Variants in SASH1 observed in about 807,000 individuals in gnomAD.
SASH1 encodes SAM and SH3 domain-containing protein 1.
In SASH1, 44 loss-of-function variants were observed where a neutral mutation model predicts 125.2. That is an observed-to-expected ratio of 0.35 (90% CI 0.28 to 0.45). The LOEUF is 0.45. SASH1 is among the 20% of genes least tolerant of loss of function. The probability of loss-of-function intolerance (pLI) is 1.00; values close to 1 mark genes in which losing one functional copy is unlikely to be tolerated. For missense variants in SASH1, 1,426 were observed against 1,614.5 expected, an observed-to-expected ratio of 0.88 and a Z score of 2.00; for synonymous variants, 639 against 649.1, an observed-to-expected ratio of 0.98 and a Z score of 0.24.
At chr6:148,535,309 C>CA (rs983591031) in intron 16 of SASH1, among the ~76,000 whole-genome samples, 2 of 152,010 alleles carry the variant, frequency 1.3e-5, no homozygotes, top group Admixed American at 6.6e-5. Context: ...ACAGTTTTCC[C>CA]AAAAAAATGG....
intron 2 of SASH1, among the ~76,000 whole-genome samples, chr6:148,439,105 T>C (rs1254361448): frequency 6.6e-6 from 1 of 152,194 alleles, no homozygotes; most frequent in South Asian, 2.1e-4. Context: ...TTTACATAAT[T>C]TATTTTTATC....
chr6:148,351,216 T>C (rs1473518709), intron 1 of SASH1, among the ~76,000 whole-genome samples: 1 of 96,190 alleles, frequency 1.0e-5, no homozygotes, highest in Non-Finnish European at 2.2e-5. Flanking sequence ...TTTTTTTTTC[T>C]GAAAGGCTCT....
chr6:148,402,436 A>T (rs1023500428), intron 2 of SASH1, among the ~76,000 whole-genome samples: 2 of 150,882 alleles, frequency 1.3e-5, no homozygotes, highest in African/African-American at 4.9e-5. Context: ...CAGCCTCCCA[A>T]GTAGCTAGGA....
intron 19 of SASH1, 58 bp from the exon 20 acceptor site, chr6:148,548,237 A>T (rs1782673262): frequency 6.7e-7 from 1 of 1,498,984 alleles, no homozygotes; most frequent in African/African-American, 1.4e-5. Flanking sequence ...GACATACGCG[A>T]AGTAGTCCTC....
At position 148,548,491 on chromosome 6, in the gene SASH1, G is replaced by A. The variant is rs1300331067; in HGVS notation, c.3677G>A (p.Arg1226Lys). 1 of 1,614,198 alleles carries A rather than the reference G, an allele frequency of 6.2e-7. No homozygotes were observed. Among genetic ancestry groups the A allele is most frequent in the Admixed American group, 1.7e-5 (1 of 60,030 alleles). Residue 1226 changes from arginine to lysine, a missense_variant, in exon 20 of 20, where the codon AGA (arginine) becomes AAA (lysine). By Grantham distance (26) the Arg-to-Lys change is conservative. Coordinates refer to ENST00000367467, the MANE Select transcript of SASH1 (RefSeq NM_015278.5). ...CAGGAGGCCGGCATCACAGAGGAGA[G>A]ACACATAAGAAAGCTCCTATCTGCA... ...CLQEAGITEE[R>K]HIRKLLSAAR...
the SASH1 span, among the ~76,000 whole-genome samples, chr6:148,216,366 G>A: frequency 1.3e-5 from 2 of 152,000 alleles, no homozygotes; most frequent in African/African-American, 4.8e-5. Flanking sequence ...ACTTCGTTGT[G>A]CTTGTGCAGA....
intron 2 of SASH1, among the ~76,000 whole-genome samples, chr6:148,423,711 T>A (rs1775676939): frequency 1.3e-5 from 2 of 152,342 alleles, no homozygotes; most frequent in South Asian, 4.1e-4. Flanking sequence ...GGTCAGTGAC[T>A]GTTTTTTTAT....
In SASH1 at chr6:148,370,605, C is replaced by CTT. The variant is rs1562358714; in HGVS notation, c.157-19529_157-19528insTT. ...TTGGGAAGCCAAGGTGGGCAGATCA[C>CTT]GAGGTCAGGAGATCGAGACCATCCT... On this transcript the variant is annotated intron_variant, in intron 1 of 19. Transcript: ENST00000367467. 8.5e-5 allele frequency among the ~76,000 whole-genome samples: 13 copies of CTT among 152,148 alleles called. No homozygotes were observed. In the South Asian group the frequency reaches 2.5e-3, roughly 29 times the overall value.
chr6:148,510,494 G>A (rs736337), intron 8 of SASH1, among the ~76,000 whole-genome samples: 8,816 of 152,178 alleles, frequency 0.058, 404 homozygotes, highest in East Asian at 0.23. Flanking sequence ...TTTAAAACCT[G>A]TTCTATAACA....
chr6:148,472,280 G>A (rs1033007895), intron 6 of SASH1, among the ~76,000 whole-genome samples: 17 of 152,112 alleles, frequency 1.1e-4, no homozygotes, highest in East Asian at 1.9e-4. Flanking sequence ...ATCAGTACGC[G>A]TGGAAATGAG....
At chr6:148,412,686 A>G (rs1426193096) in intron 2 of SASH1, among the ~76,000 whole-genome samples, 1 of 152,182 alleles carries the variant, frequency 6.6e-6, no homozygotes, top group Non-Finnish European at 1.5e-5. Flanking sequence ...AGTCATTACC[A>G]TGGGGAGGGC....
intron 1 of SASH1, among the ~76,000 whole-genome samples, chr6:148,349,308 C>T (rs1431461172): frequency 1.8e-5 from 2 of 112,286 alleles, no homozygotes; most frequent in African/African-American, 6.8e-5. Flanking sequence ...GTTGCCCAGG[C>T]TGGAGTTACA....
chr6:148,506,991 G>A (rs1440100253), intron 8 of SASH1, among the ~76,000 whole-genome samples: 1 of 152,178 alleles, frequency 6.6e-6, no homozygotes, highest in African/African-American at 2.4e-5. Flanking sequence ...AAATACAAGT[G>A]TTGGAAGTAC....
intron 1 of SASH1, among the ~76,000 whole-genome samples, chr6:148,304,987 T>G (rs1382500563): frequency 6.6e-6 from 1 of 151,838 alleles, no homozygotes; most frequent in African/African-American, 2.4e-5. Context: ...GCCAAGATTG[T>G]GCCACTGCAC....
intron 1 of SASH1, among the ~76,000 whole-genome samples, chr6:148,306,698 C>T (rs752972873): frequency 6.6e-6 from 1 of 152,174 alleles, no homozygotes; most frequent in Non-Finnish European, 1.5e-5. Flanking sequence ...TTCTCCCGAG[C>T]TGAGACAGGG....
chr6:148,432,409 C>G (rs1023362692), intron 2 of SASH1, among the ~76,000 whole-genome samples: 1 of 152,190 alleles, frequency 6.6e-6, no homozygotes, highest in East Asian at 1.9e-4. Context: ...AACTCTACAG[C>G]CTTCTTGTAA....
chr6:148,542,879 T>TGTGCGC (rs1491203431), intron 17 of SASH1, among the ~76,000 whole-genome samples: 49 of 138,906 alleles, frequency 3.5e-4, no homozygotes, highest in East Asian at 1.8e-3. Flanking sequence ...TGTGTGTGTG[T>TGTGCGC]GCGCGCGCAC....
chr6:148,220,726 C>A, the SASH1 span, among the ~76,000 whole-genome samples: 1 of 152,084 alleles, frequency 6.6e-6, no homozygotes, highest in African/African-American at 2.4e-5. Flanking sequence ...ACCAGCCTGG[C>A]CAACATGGTG....
Position 148,527,747 on chromosome 6 carries a change from T to G in SASH1, c.1428+151T>G, listed in dbSNP as rs991761289. 9 of 753,160 alleles carry G rather than the reference T, an allele frequency of 1.2e-5. No homozygotes were observed. The South Asian group carries it at 1.7e-4, about 14-fold the overall frequency. 46.7% of individuals were successfully genotyped at this position (753,160 alleles called of 1,614,324 possible). A position where few individuals can be genotyped will look rare whatever the true frequency, so the allele number is the denominator to read the frequency against. ...GTGCTTTATTTACGTAGAGAAACAC[T>G]GAATTCAACACACGTTTATTAAGCA... On this transcript the variant is annotated intron_variant, in intron 12 of 19. Transcript: ENST00000367467.
Sources: allele counts gnomAD v4.1 joint callset (sites outside exome capture counted in the v4.1 genomes callset), GRCh38; gene constraint gnomAD v4.1.1; transcripts MANE v1.5; gene names NCBI Gene and HGNC (gene_info 2026-07-23, HGNC 2026-07-21).